Variants in DNAH3 observed in about 807,000 individuals in gnomAD.
DNAH3 encodes dynein axonemal heavy chain 3, also known as axonemal beta dynein heavy chain 3.
Under a neutral mutation model 432.5 loss-of-function variants are expected in DNAH3, and 332 were observed. The observed-to-expected ratio is 0.77, with a 90% CI of 0.70 to 0.84. The LOEUF is 0.84. Ranked by LOEUF, DNAH3 falls within the 40% of genes least tolerant of loss-of-function variation. The pLI is 0.00. For synonymous variants in DNAH3, 1,956 were observed against 1,900.2 expected (o/e 1.03, Z -0.76); for missense variants, 4,861 against 5,114.0 (o/e 0.95, Z 1.51).
At chr16:21,014,702 A>G (rs996037006) in intron 41 of DNAH3, among the ~76,000 whole-genome samples, 2 of 152,172 alleles carry the variant, frequency 1.3e-5, no homozygotes, top group East Asian at 1.9e-4. Flanking sequence ...AGAATCCACA[A>G]AAAGACTCCT....
intron 52 of DNAH3, among the ~76,000 whole-genome samples, chr16:20,968,025 T>G (rs1221336945): frequency 6.6e-6 from 1 of 152,178 alleles, no homozygotes; most frequent in Non-Finnish European, 1.5e-5. Context: ...GAAGAGGGAA[T>G]GCTAAGCAAT....
chr16:21,136,667 C>T (rs2152825229), intron 5 of DNAH3, 154 bp from the exon 7 acceptor site: 1 of 701,742 alleles, frequency 1.4e-6, no homozygotes, highest in African/African-American at 1.8e-5. Context: ...TCGCTTCACA[C>T]TCATGGCAAG....
intron 47 of DNAH3, 139 bp from the exon 48 acceptor site, chr16:20,985,854 GTT>G (rs2086166919): frequency 2.4e-6 from 2 of 843,836 alleles, no homozygotes; most frequent in Admixed American, 5.2e-5. Flanking sequence ...CATCAGTTTT[GTT>G]TTGTTTCGTT....
intron 40 of DNAH3, 74 bp downstream of exon 40, chr16:21,021,897 C>G: frequency 6.5e-7 from 1 of 1,536,736 alleles, no homozygotes; most frequent in Non-Finnish European, 8.8e-7. Context: ...AGTGAGACTT[C>G]ATCTCAAAAA....
At chr16:21,121,014 G>C in intron 10 of DNAH3, 1 of 708,702 alleles carries the variant, frequency 1.4e-6, no homozygotes, top group South Asian at 1.5e-5. Context: ...GCAAAGAGAA[G>C]AATGCTTGGG....
At chr16:20,985,110 A>C in exon 48 of DNAH3, 1 of 1,614,072 alleles carries the variant, frequency 6.2e-7, no homozygotes, top group Non-Finnish European at 8.5e-7. Context: ...TAGAAAGAGG[A>C]GTGACTTCAA....
intron 26 of DNAH3, 152 bp from the exon 27 acceptor site, chr16:21,058,348 C>A (rs1394500674): frequency 4.1e-6 from 2 of 491,574 alleles, no homozygotes; most frequent in East Asian, 6.5e-5. Flanking sequence ...TCTGGAATTA[C>A]TGATTTATGT....
In DNAH3 at chr16:21,028,629, G is replaced by A. The variant is rs529467216; in HGVS notation, c.5440-1502C>T. On this transcript the variant is annotated intron_variant, in intron 37 of 61. Coordinates refer to ENST00000261383, the Ensembl canonical transcript of DNAH3. ...AGATCGTGCCACTGCACTTCATCCTGGACAACAGAGGGAGACTTTGTCTCA... is the reference window on the plus strand; with the variant it reads ...AGATCGTGCCACTGCACTTCATCCTAGACAACAGAGGGAGACTTTGTCTCA... Among the ~76,000 whole-genome samples the A allele has an allele frequency of 4.9e-4, 73 of 150,458 alleles. No individual in the cohort carries two copies. The Middle Eastern group carries it at 0.01, about 21-fold the overall frequency.
In DNAH3 at chr16:21,127,820, A is replaced by G. The variant is rs377238941; in HGVS notation, c.1083-8T>C. On this transcript the variant is annotated splice_polypyrimidine_tract_variant and splice_region_variant and intron_variant, in intron 7 of 61. Coordinates refer to ENST00000261383, the Ensembl canonical transcript of DNAH3. ...AACCTGAGGTCTCTGAATCTGCCAA[A>G]AGAGAGGGAGAAATTTCCTAAGCTA... 19 of 1,613,856 alleles carry G rather than the reference A, an allele frequency of 1.2e-5. No homozygotes were observed. In the African/African-American group the frequency reaches 1.3e-4, roughly 11 times the overall value.
chr16:20,936,565 C>T (rs1237704334), intron 60 of DNAH3, 84 bp downstream of exon 60: 16 of 1,269,632 alleles, frequency 1.3e-5, no homozygotes, highest in Middle Eastern at 2.7e-4. Context: ...CCCTCCTCCC[C>T]CTGCCTCTAG....
exon 6 of DNAH3, chr16:21,136,483 G>T: frequency 6.2e-7 from 1 of 1,614,104 alleles, no homozygotes; most frequent in Non-Finnish European, 8.5e-7. Flanking sequence ...ATGTCTTTGC[G>T]AATTCCATTG....
chr16:21,071,828 C>A (rs1813782126), intron 21 of DNAH3, among the ~76,000 whole-genome samples: 1 of 151,960 alleles, frequency 6.6e-6, no homozygotes, highest in African/African-American at 2.4e-5. Flanking sequence ...AGGAAGATTT[C>A]TTCCCCTTTC....
intron 54 of DNAH3, 69 bp from the exon 55 acceptor site, chr16:20,955,126 C>T (rs539680158): frequency 4.8e-6 from 7 of 1,464,944 alleles, no homozygotes; most frequent in Middle Eastern, 3.7e-4. Flanking sequence ...ACAACAAAAA[C>T]AAAACAATAA....
Position 21,000,261 on chromosome 16 carries a change from G to A in DNAH3, c.6384C>T (p.Phe2128=), listed in dbSNP as rs537151189. Residue 2128 remains phenylalanine, a synonymous_variant, in exon 43 of 62, where the codon TTC becomes TTT. Coordinates refer to ENST00000261383, the Ensembl canonical transcript of DNAH3. ...CTGCTTTCTTCCCTATGGGAGGCCC[G>A]AAAAGGCCCTTCCGTCGTCGATCCA... 1.7e-5 allele frequency: 27 copies of A among 1,614,056 alleles called. 1 individual carries two copies. In the East Asian group the frequency reaches 2.0e-4, roughly 12 times the overall value.
intron 18 of DNAH3, among the ~76,000 whole-genome samples, chr16:21,094,436 C>T (rs913779218): frequency 1.1e-4 from 16 of 152,022 alleles, no homozygotes; most frequent in South Asian, 4.2e-4. Flanking sequence ...TTTGGGAGGC[C>T]GAGGCAGGTG....
chr16:21,123,820 C>T (rs895827133), intron 9 of DNAH3, among the ~76,000 whole-genome samples: 9 of 151,800 alleles, frequency 5.9e-5, no homozygotes, highest in Admixed American at 5.3e-4. Flanking sequence ...GACAGAGTCT[C>T]GCTCTGTCAC....
At chr16:20,944,810 GAACAC>G in intron 57 of DNAH3, 147 bp from the exon 58 acceptor site, 1 of 765,830 alleles carries the variant, frequency 1.3e-6, no homozygotes, top group South Asian at 1.8e-5. Context: ...CACGCTGGGA[GAACAC>G]AACCCTAGCC....
chr16:20,997,933 G>A (rs1001711080), intron 43 of DNAH3, among the ~76,000 whole-genome samples: 2 of 151,902 alleles, frequency 1.3e-5, no homozygotes, highest in Non-Finnish European at 2.9e-5. Flanking sequence ...TTTGAGCCTC[G>A]GAGGCAGAGG....
chr16:20,990,272 A>C (rs956334175), intron 44 of DNAH3, among the ~76,000 whole-genome samples: 1 of 152,206 alleles, frequency 6.6e-6, no homozygotes, highest in Admixed American at 6.5e-5. Context: ...TATATCATCT[A>C]TCTGTCTAAT....
Sources: allele counts gnomAD v4.1 joint callset (sites outside exome capture counted in the v4.1 genomes callset), GRCh38; gene constraint gnomAD v4.1.1; transcripts MANE v1.5; gene names NCBI Gene and HGNC (gene_info 2026-07-23, HGNC 2026-07-21).